KCNT2: variants seen among roughly 807,000 people sequenced by gnomAD.
KCNT2 encodes potassium sodium-activated channel subfamily T member 2, also known as potassium channel subfamily T member 2.
Under a neutral mutation model 153.8 loss-of-function variants are expected in KCNT2, and 67 were observed. The observed-to-expected ratio is 0.44, with a 90% CI of 0.36 to 0.53. The LOEUF (loss-of-function observed/expected upper bound fraction) is 0.53, where lower values mean the gene tolerates loss of function less well. Ranked by LOEUF, KCNT2 falls within the 20% of genes least tolerant of loss-of-function variation. The pLI, the probability that KCNT2 is intolerant of heterozygous loss-of-function variation, is 0.00. For missense variants in KCNT2, 975 were observed against 1,354.8 expected, an observed-to-expected ratio of 0.72 and a Z score of 4.40; for synonymous variants, 500 against 458.8, an observed-to-expected ratio of 1.09 and a Z score of -1.15.
intron 22 of KCNT2, among the ~76,000 whole-genome samples, chr1:196,293,731 A>T (rs1399176341): frequency 6.6e-6 from 1 of 152,128 alleles, no homozygotes; most frequent in East Asian, 1.9e-4. Flanking sequence ...ATTAGAAGAA[A>T]ACATAAAGGA....
intron 13 of KCNT2, among the ~76,000 whole-genome samples, chr1:196,395,324 G>A (rs896847810): frequency 2.0e-5 from 3 of 151,506 alleles, no homozygotes; most frequent in South Asian, 2.1e-4. Context: ...ATGTGTGTAA[G>A]CTCAGAATTA....
At chr1:196,298,741 C>T (rs538055171) in intron 22 of KCNT2, among the ~76,000 whole-genome samples, 1 of 149,918 alleles carries the variant, frequency 6.7e-6, no homozygotes, top group African/African-American at 2.5e-5. Context: ...CTTCCTTTTT[C>T]TGCTGCCCAC....
intron 21 of KCNT2, 105 bp downstream of exon 21, chr1:196,315,787 T>A: frequency 2.1e-6 from 2 of 958,168 alleles, no homozygotes; most frequent in Non-Finnish European, 3.0e-6. Context: ...TAAATGAACA[T>A]AAAGTTGGTG....
At chr1:196,411,859 A>G (rs1309951650) in intron 12 of KCNT2, among the ~76,000 whole-genome samples, 1 of 151,790 alleles carries the variant, frequency 6.6e-6, no homozygotes. Flanking sequence ...CAATCCCTGT[A>G]TATGCTATGT....
At chr1:196,541,527 C>T (rs1201571643) in intron 1 of KCNT2, among the ~76,000 whole-genome samples, 2 of 152,062 alleles carry the variant, frequency 1.3e-5, no homozygotes, top group Admixed American at 1.3e-4. Context: ...CACAAACATA[C>T]TCATTGCATA....
chr1:196,429,126 G>A (rs1673911445), intron 9 of KCNT2, among the ~76,000 whole-genome samples: 1 of 151,210 alleles, frequency 6.6e-6, no homozygotes, highest in Non-Finnish European at 1.5e-5. Context: ...TTATAGGCAT[G>A]AGCCCTGCAC....
chr1:196,341,229 A>T (rs954588700), intron 15 of KCNT2, among the ~76,000 whole-genome samples: 7 of 152,042 alleles, frequency 4.6e-5, no homozygotes, highest in African/African-American at 1.4e-4. Flanking sequence ...CCTTAAACAT[A>T]CTCATAACAC....
rs373535600 is a variant in KCNT2 at position 196,326,911 on chromosome 1, T to C, written c.2104-22A>G. 125 of 1,415,044 alleles carry C rather than the reference T, an allele frequency of 8.8e-5. No individual in the cohort carries two copies. In the African/African-American group the frequency reaches 1.5e-3, roughly 17 times the overall value. 87.7% of individuals were successfully genotyped at this position (1,415,044 alleles called of 1,614,324 possible). A position where few individuals can be genotyped will look rare whatever the true frequency, so the allele number is the denominator to read the frequency against. On this transcript the variant is annotated intron_variant, in intron 18 of 27. Coordinates refer to ENST00000294725, the MANE Select transcript of KCNT2 (RefSeq NM_198503.5). ...AACTCTAGAGAAGAGAAAGTATACA[T>C]TGAAATGCCATTTGGATACTTCATT...
chr1:196,342,187 C>T lies in KCNT2; in HGVS notation c.1445G>A (p.Gly482Asp). ...QSPEQWQKMY[G>D]RCSGNEVYHI... is the part of the protein sequence containing the mutation. ...GTAGACTTCATTCCCGGAGCATCTA[C>T]CGTACATCTTCTGCCATTGTTCTGG... Residue 482 changes from glycine to aspartate, a missense_variant, in exon 15 of 28, where the codon GGT (glycine) becomes GAT (aspartate). Around this residue, in one of 6 missense-constraint regions of KCNT2, gnomAD observed 325 missense variants for 388.1 expected, o/e 0.84. Coordinates refer to ENST00000294725, the MANE Select transcript of KCNT2 (RefSeq NM_198503.5). 6.2e-7 allele frequency: 1 copy of T among 1,611,506 alleles called. No homozygotes were observed. The highest frequency in any genetic ancestry group is 8.5e-7 in the Non-Finnish European group (1 of 1,178,938).
intron 12 of KCNT2, among the ~76,000 whole-genome samples, chr1:196,410,397 T>G: frequency 6.6e-6 from 1 of 151,162 alleles, no homozygotes; most frequent in Non-Finnish European, 1.5e-5. Flanking sequence ...AAGGGGAACA[T>G]CACACACTGG....
intron 12 of KCNT2, among the ~76,000 whole-genome samples, chr1:196,419,470 G>T (rs1037939007): frequency 6.6e-6 from 1 of 151,090 alleles, no homozygotes; most frequent in African/African-American, 2.4e-5. Context: ...TGCTGAGAAT[G>T]ATGGTTTCCA....
At chr1:196,420,697 G>A (rs2148513247) in intron 12 of KCNT2, among the ~76,000 whole-genome samples, 1 of 152,038 alleles carries the variant, frequency 6.6e-6, no homozygotes, top group East Asian at 1.9e-4. Flanking sequence ...CCAATCTTGT[G>A]TCAATGTCAA....
At chr1:196,231,256 T>C (rs1057369895) in intron 27 of KCNT2, among the ~76,000 whole-genome samples, 1 of 151,900 alleles carries the variant, frequency 6.6e-6, no homozygotes, top group African/African-American at 2.4e-5. Flanking sequence ...TAAAGTATAA[T>C]GCAAACATAA....
chr1:196,554,197 A>G (rs1485972339), intron 1 of KCNT2, among the ~76,000 whole-genome samples: 1 of 151,326 alleles, frequency 6.6e-6, no homozygotes, highest in Non-Finnish European at 1.5e-5. Flanking sequence ...TGAAATGAAC[A>G]ATACAAAAGA....
chr1:196,584,181 A>AAAATAAAATAAAATAAAATAAAAT (rs1218492853), intron 1 of KCNT2, among the ~76,000 whole-genome samples: 1 of 150,972 alleles, frequency 6.6e-6, no homozygotes, highest in Non-Finnish European at 1.5e-5. Flanking sequence ...AAAATAAAAT[A>AAAATAAAATAAAATAAAATAAAAT]AAATAAAATA....
intron 8 of KCNT2, among the ~76,000 whole-genome samples, chr1:196,436,045 G>C (rs1454476235): frequency 6.6e-6 from 1 of 151,388 alleles, no homozygotes; most frequent in South Asian, 2.1e-4. Context: ...TACTACTTCC[G>C]AGTTTTTATT....
chr1:196,244,965 G>C (rs1655303531), intron 26 of KCNT2, among the ~76,000 whole-genome samples: 1 of 152,138 alleles, frequency 6.6e-6, no homozygotes, highest in Admixed American at 6.5e-5. Context: ...AGGGGTGCTT[G>C]TGTTATCCCT....
intron 13 of KCNT2, among the ~76,000 whole-genome samples, chr1:196,394,282 A>G (rs1268362617): frequency 6.6e-6 from 1 of 151,536 alleles, no homozygotes; most frequent in Non-Finnish European, 1.5e-5. Context: ...TTATAGATAC[A>G]ACATGTGAAT....
At chr1:196,382,030 C>T (rs747414877) in intron 13 of KCNT2, among the ~76,000 whole-genome samples, 1 of 151,822 alleles carries the variant, frequency 6.6e-6, no homozygotes, top group Non-Finnish European at 1.5e-5. Flanking sequence ...AGATACTTTG[C>T]CTGCTCTGAG....
Sources: allele counts gnomAD v4.1 joint callset (sites outside exome capture counted in the v4.1 genomes callset), GRCh38; gene constraint gnomAD v4.1.1; regional missense constraint gnomAD v4.1.1; transcripts MANE v1.5; gene names NCBI Gene and HGNC (gene_info 2026-07-23, HGNC 2026-07-21).